Variants in CAMSAP1 observed in about 807,000 individuals in gnomAD.
CAMSAP1 encodes calmodulin regulated spectrin associated protein 1.
A neutral mutation model predicts 143.5 loss-of-function variants in CAMSAP1; 58 were observed. The ratio of observed to expected loss-of-function variants is 0.40; its 90% CI spans 0.33 to 0.50. CAMSAP1 has a LOEUF of 0.50. Ranked by LOEUF, CAMSAP1 falls within the 20% of genes least tolerant of loss-of-function variation. The probability of loss-of-function intolerance (pLI) is 0.45; values close to 1 mark genes in which losing one functional copy is unlikely to be tolerated. For synonymous variants in CAMSAP1, 945 were observed against 859.3 expected (o/e 1.10, Z -1.74); for missense variants, 1,969 against 2,115.7 (o/e 0.93, Z 1.36).
chr9:135,888,793 G>A (rs1183674411), intron 1 of CAMSAP1, among the ~76,000 whole-genome samples: 4 of 152,232 alleles, frequency 2.6e-5, no homozygotes, highest in African/African-American at 4.8e-5. Context: ...TCCTGGAGAG[G>A]CCAGACACAA....
rs1460546367 is a variant in CAMSAP1 at position 135,810,070 on chromosome 9, C to A, written c.*1239G>T. ...TGTTAGTGGCTCCAGAATCTTCCGG[C>A]AGCTGGTCAGTTGCAGCAGTGTCTG... On this transcript the variant is annotated 3_prime_UTR_variant, in exon 17 of 17. Coordinates refer to ENST00000389532, the MANE Select transcript of CAMSAP1 (RefSeq NM_015447.4). The A allele has an allele frequency of 6.6e-6, 1 of 152,648 alleles. No homozygotes were observed. The highest frequency in any genetic ancestry group is 1.5e-5 in the Non-Finnish European group (1 of 68,046). The allele number at this position is 152,648 out of a possible 1,614,324, so 9.5% of individuals were successfully genotyped here.
intron 3 of CAMSAP1, among the ~76,000 whole-genome samples, chr9:135,873,795 T>C (rs935149103): frequency 1.3e-4 from 20 of 152,104 alleles, no homozygotes; most frequent in African/African-American, 4.1e-4. Context: ...CTAAGAAAAC[T>C]CCACTCCCAG....
At chr9:135,887,639 G>A (rs2130997934) in intron 1 of CAMSAP1, among the ~76,000 whole-genome samples, 2 of 152,254 alleles carry the variant, frequency 1.3e-5, no homozygotes, top group African/African-American at 4.8e-5. Flanking sequence ...GGGTACAGAC[G>A]CAGGGAAGGG....
intron 1 of CAMSAP1, among the ~76,000 whole-genome samples, chr9:135,906,652 G>C (rs1026266762): frequency 1.3e-5 from 2 of 152,200 alleles, no homozygotes; most frequent in Admixed American, 6.5e-5. Context: ...CGCCTCAGAC[G>C]GCGGCCCCGC....
intron 7 of CAMSAP1, among the ~76,000 whole-genome samples, chr9:135,843,815 A>G (rs1432655299): frequency 6.8e-6 from 1 of 148,082 alleles, no homozygotes; most frequent in Non-Finnish European, 1.5e-5. Context: ...CGGAGCTTGC[A>G]GTCAGCCAAG....
intron 7 of CAMSAP1, among the ~76,000 whole-genome samples, chr9:135,842,412 T>A (rs531005177): frequency 9.0e-4 from 137 of 152,278 alleles, no homozygotes; most frequent in African/African-American, 3.2e-3. Flanking sequence ...GGAACCAAGT[T>A]GGAAAACAAA....
chr9:135,834,188 T>C (rs1835941205), intron 7 of CAMSAP1, among the ~76,000 whole-genome samples: 1 of 152,184 alleles, frequency 6.6e-6, no homozygotes, highest in Non-Finnish European at 1.5e-5. Flanking sequence ...AAGGTGAACC[T>C]TTGCATACTG....
At chr9:135,858,143 C>T (rs1412814818) in intron 5 of CAMSAP1, among the ~76,000 whole-genome samples, 2 of 147,790 alleles carry the variant, frequency 1.4e-5, no homozygotes, top group African/African-American at 4.9e-5. Context: ...CCCACCCCTC[C>T]TCCACTTTGC....
Position 135,819,085 on chromosome 9 carries a change from T to G in CAMSAP1, c.3884A>C (p.Gln1295Pro). The change falls in exon 12 of 17, where the codon CAG (glutamine) becomes CCG (proline). Residue 1295 changes from glutamine to proline, a missense_variant. This residue lies in a region of CAMSAP1 where 1,390 missense variants were observed against 1,420.8 expected (regional missense o/e 0.98). Transcript: ENST00000389532. ...KKRAAFLLKQQRKAEEARVRK... is the reference protein window; with the variant it reads ...KKRAAFLLKQPRKAEEARVRK... The stretch of plus-strand genomic sequence containing the variant: ...CACGCGGGCCTCCTCGGCCTTGCGC[T>G]GCTGCTTCAGGAGGAAGGCCGCCCG... 6.2e-7 allele frequency: 1 copy of G among 1,604,168 alleles called. No individual in the cohort carries two copies. The highest frequency in any genetic ancestry group is 8.5e-7 in the Non-Finnish European group (1 of 1,176,842).
At chr9:135,836,935 G>A (rs59339114) in intron 7 of CAMSAP1, 31 of 975,456 alleles carry the variant, frequency 3.2e-5, no homozygotes, top group Middle Eastern at 5.4e-4. Context: ...CTTTCTACCC[G>A]TTCTACAGAC....
At chr9:135,869,873 C>T (rs547134113) in intron 3 of CAMSAP1, among the ~76,000 whole-genome samples, 4 of 152,212 alleles carry the variant, frequency 2.6e-5, no homozygotes, top group Non-Finnish European at 4.4e-5. Flanking sequence ...CGCTGACACC[C>T]GCTACAACAC....
intron 1 of CAMSAP1, among the ~76,000 whole-genome samples, chr9:135,899,064 A>G (rs1564463907): frequency 6.6e-6 from 1 of 152,216 alleles, no homozygotes; most frequent in Non-Finnish European, 1.5e-5. Flanking sequence ...ACGCTAAGTG[A>G]AAGAAGTCAG....
In CAMSAP1 at chr9:135,827,637, G is replaced by A. The variant is rs41299052; in HGVS notation, c.1046-53C>T. On this transcript the variant is annotated intron_variant, in intron 7 of 16. Transcript: ENST00000389532. ...ACTTACAACACTAACTGGAAGCACA[G>A]AAAACCTAACCTGCAGCTTTTATAA... 1.5e-3 allele frequency: 2,187 copies of A among 1,435,614 alleles called. 15 individuals are homozygous for A. In the Middle Eastern group the frequency reaches 0.02, roughly 13 times the overall value. The allele number at this position is 1,435,614 out of a possible 1,614,324, so 88.9% of individuals were successfully genotyped here. A position where few individuals can be genotyped will look rare whatever the true frequency, so the allele number is the denominator to read the frequency against.
At chr9:135,866,561 A>G (rs569094462) in intron 3 of CAMSAP1, 25 bp from the exon 4 acceptor site, 15 of 1,087,030 alleles carry the variant, frequency 1.4e-5, no homozygotes, top group South Asian at 4.0e-5. Flanking sequence ...AAATGCATTA[A>G]AGAGGTAATT....
chr9:135,817,950 T>A, intron 14 of CAMSAP1, 27 bp downstream of exon 14: 1 of 1,605,680 alleles, frequency 6.2e-7, no homozygotes, highest in Non-Finnish European at 8.5e-7. Flanking sequence ...TCCAGCCCCG[T>A]GCCGGCGGCC....
rs368213511 is a variant in CAMSAP1 at position 135,882,425 on chromosome 9, G to A, written c.423+391C>T. ...AGGCTTCAGAGAAAGATGGGGGTGG[G>A]ATACTTGGGGGAGAAAAAGGCAGAC... is the stretch of plus-strand genomic sequence containing the variant. On this transcript the variant is annotated intron_variant, in intron 2 of 16. Transcript: ENST00000389532. The surrounding 1 kb of genome is among the most constrained non-coding windows in gnomAD (Gnocchi z 4.9). Among the ~76,000 whole-genome samples, 1 of 152,070 alleles carries A rather than the reference G, an allele frequency of 6.6e-6. No individual in the cohort carries two copies. Among genetic ancestry groups the A allele is most frequent in the East Asian group, 1.9e-4 (1 of 5,180 alleles).
chr9:135,819,660 CCT>C (rs1464452427), intron 11 of CAMSAP1, among the ~76,000 whole-genome samples: 14 of 148,244 alleles, frequency 9.4e-5, no homozygotes, highest in African/African-American at 2.5e-4. Flanking sequence ...ATGGCGAAAC[CCT>C]GTCTCCACTT....
chr9:135,856,956 A>G (rs1929527), intron 5 of CAMSAP1, among the ~76,000 whole-genome samples: 28,354 of 151,904 alleles, frequency 0.19, 3,103 homozygotes, highest in African/African-American at 0.28. Context: ...GCGTGCACAC[A>G]CTCCCCAGCA....
chr9:135,815,163 G>A lies in CAMSAP1; in HGVS notation c.4440C>T (p.His1480=), dbSNP rs1228500282. Residue 1480 remains histidine (H), a synonymous_variant, in exon 16 of 17, where the codon CAC becomes CAT. Coordinates refer to ENST00000389532, the MANE Select transcript of CAMSAP1 (RefSeq NM_015447.4). ...PSSKSNKPII[H]NAISHCCLAG... Reference sequence around the variant, plus strand: ...CCAGGCAGCAATGGGATATGGCATTGTGAATAATCGGCTTGTTTGATTTAC... The same window carrying A: ...CCAGGCAGCAATGGGATATGGCATTATGAATAATCGGCTTGTTTGATTTAC... 3 of 1,613,818 alleles carry A rather than the reference G, an allele frequency of 1.9e-6. No individual in the cohort carries two copies. The highest frequency in any genetic ancestry group is 2.5e-6 in the Non-Finnish European group (3 of 1,179,874).
Sources: gnomAD v4.1 joint callset for allele counts (sites outside exome capture counted in the v4.1 genomes callset) on GRCh38, gnomAD v4.1.1 for gene constraint, gnomAD v4.1.1 regional missense constraint, Gnocchi (gnomAD v3.1) non-coding constraint, MANE v1.5 for transcripts, NCBI Gene and HGNC (gene_info 2026-07-23, HGNC 2026-07-21) for gene names.